C10orf90: variants seen among roughly 807,000 people sequenced by gnomAD.
C10orf90 encodes chromosome 10 open reading frame 90.
C10orf90 carries 56 observed loss-of-function variants against 62.5 expected under a neutral mutation model. The ratio of observed to expected loss-of-function variants is 0.90; its 90% confidence interval spans 0.72 to 1.12. C10orf90 has a LOEUF of 1.12. Ranked by LOEUF, C10orf90 falls within the 50% of genes most tolerant of loss-of-function variation. The pLI, the probability that C10orf90 is intolerant of heterozygous loss-of-function variation, is 0.00. For synonymous variants in C10orf90, 386 were observed against 340.4 expected, an observed-to-expected ratio of 1.13 and a Z score of -1.47; for missense variants, 970 against 880.4, an observed-to-expected ratio of 1.10 and a Z score of -1.29.
intron 1 of C10orf90, among the ~76,000 whole-genome samples, chr10:126,657,581 A>G (rs892729417): frequency 2.7e-5 from 4 of 147,064 alleles, no homozygotes; most frequent in Non-Finnish European, 6.0e-5. Flanking sequence ...TTTTGATATC[A>G]CCATCTTGAA....
chr10:126,637,624 G>C (rs1421339195), intron 2 of C10orf90, among the ~76,000 whole-genome samples: 1 of 152,202 alleles, frequency 6.6e-6, no homozygotes, highest in African/African-American at 2.4e-5. Flanking sequence ...GCAGGTAAGG[G>C]GCTACAGGTC....
At position 126,604,427 on chromosome 10, in the gene C10orf90, T is replaced by G. The variant is rs149491627; in HGVS notation, c.313+42138A>C. Among the ~76,000 whole-genome samples, 45 of 152,300 alleles carry G rather than the reference T, an allele frequency of 3.0e-4. No homozygotes were observed. The East Asian group carries it at 7.7e-3, about 26-fold the overall frequency. ...TGATCCTCAGTTGAAAGAAAAAAAA[T>G]ACACCATATATATGCACTTTTTTAA... On this transcript the variant is annotated intron_variant, in intron 2 of 9. Coordinates refer to ENST00000488181, the MANE Select transcript of C10orf90 (RefSeq NM_001350921.2).
intron 2 of C10orf90, among the ~76,000 whole-genome samples, chr10:126,578,125 T>G (rs1427825674): frequency 1.3e-5 from 2 of 152,110 alleles, no homozygotes; most frequent in African/African-American, 4.8e-5. Flanking sequence ...TCATAATGCA[T>G]AAAACATTAA....
At chr10:126,526,820 T>C (rs535491517) in intron 2 of C10orf90, among the ~76,000 whole-genome samples, 1 of 152,306 alleles carries the variant, frequency 6.6e-6, no homozygotes, top group African/African-American at 2.4e-5. Flanking sequence ...TCATATAATA[T>C]GTGGGCTTTT....
At chr10:126,549,957 C>CTTTT (rs1168153149) in intron 2 of C10orf90, among the ~76,000 whole-genome samples, 2 of 117,398 alleles carry the variant, frequency 1.7e-5, no homozygotes, top group South Asian at 3.0e-4. Context: ...GTAAAGCTTT[C>CTTTT]TTTTTTTTTT....
intron 2 of C10orf90, among the ~76,000 whole-genome samples, chr10:126,539,972 C>G (rs1449886153): frequency 2.0e-5 from 3 of 152,086 alleles, no homozygotes; most frequent in Non-Finnish European, 4.4e-5. Context: ...CCTGTAAATC[C>G]AAGGGTTTTA....
At chr10:126,597,108 T>A (rs2134035678) in intron 2 of C10orf90, among the ~76,000 whole-genome samples, 1 of 152,346 alleles carries the variant, frequency 6.6e-6, no homozygotes, top group African/African-American at 2.4e-5. Context: ...GTTGGGAATG[T>A]GAAGTAATAC....
intron 2 of C10orf90, among the ~76,000 whole-genome samples, chr10:126,578,649 C>T (rs931608208): frequency 3.3e-5 from 5 of 152,104 alleles, no homozygotes; most frequent in South Asian, 4.1e-4. Flanking sequence ...CCCAAAGACA[C>T]GTATAAGAAT....
At chr10:126,531,319 G>A (rs1456768487) in intron 2 of C10orf90, among the ~76,000 whole-genome samples, 1 of 152,184 alleles carries the variant, frequency 6.6e-6, no homozygotes, top group East Asian at 1.9e-4. Flanking sequence ...CACCTTTGTG[G>A]GAGAATGCAA....
rs11244989 is a variant in C10orf90, at chr10:126,457,579, G to C, written c.2188+1461C>G. Among the ~76,000 whole-genome samples, 1,418 of 152,320 alleles carry C rather than the reference G, an allele frequency of 9.3e-3. 39 individuals carry two copies. Among genetic ancestry groups the C allele is most frequent in the East Asian group, 0.064 (332 of 5,176 alleles). On this transcript the variant is annotated intron_variant, in intron 7 of 9. Transcript: ENST00000488181. Reference sequence around the variant, plus strand: ...CGTGCCATTTTGTGTGTGTATGTGAGTCTTGAGCTCTAAAGTGGCATCATT... The same window carrying C: ...CGTGCCATTTTGTGTGTGTATGTGACTCTTGAGCTCTAAAGTGGCATCATT...
At chr10:126,583,407 T>C (rs1844793793) in intron 2 of C10orf90, among the ~76,000 whole-genome samples, 1 of 152,244 alleles carries the variant, frequency 6.6e-6, no homozygotes. Context: ...GGATTTTATA[T>C]TGAACACAGA....
intron 2 of C10orf90, among the ~76,000 whole-genome samples, chr10:126,645,699 T>C (rs1308888497): frequency 6.6e-6 from 1 of 151,962 alleles, no homozygotes; most frequent in Admixed American, 6.6e-5. Flanking sequence ...GTTGACAGTG[T>C]CAGTTTTGGA....
At position 126,569,056 on chromosome 10, in the gene C10orf90, G is replaced by A. The variant is rs147644884; in HGVS notation, c.314-55117C>T. 2.0e-4 allele frequency among the ~76,000 whole-genome samples: 30 copies of A among 152,232 alleles called. No homozygotes were observed. In the East Asian group the frequency reaches 4.5e-3, roughly 23 times the overall value. ...GCCCGGGGGCAGGGTGCAGGGTGACGTCAGCTGGCAGGAGGGTATGCAAGT... is the reference window on the plus strand; with the variant it reads ...GCCCGGGGGCAGGGTGCAGGGTGACATCAGCTGGCAGGAGGGTATGCAAGT... On this transcript the variant is annotated intron_variant, in intron 2 of 9. Coordinates refer to ENST00000488181, the MANE Select transcript of C10orf90 (RefSeq NM_001350921.2).
intron 2 of C10orf90, among the ~76,000 whole-genome samples, chr10:126,622,463 A>G (rs1845664669): frequency 6.6e-6 from 1 of 152,148 alleles, no homozygotes; most frequent in South Asian, 2.1e-4. Flanking sequence ...CCAGGGTTTC[A>G]TTGCCAATGT....
chr10:126,491,257 T>G (rs1022929133), intron 4 of C10orf90, among the ~76,000 whole-genome samples: 13 of 152,216 alleles, frequency 8.5e-5, no homozygotes, highest in Non-Finnish European at 1.9e-4. Context: ...TTTGCTTCAA[T>G]TTATATAGAT....
Position 126,670,511 on chromosome 10 carries a change from G to A in C10orf90, c.-31C>T, listed in dbSNP as rs745455974. ...TCAGTATCTTGTGACTTTAGCTAGT[G>A]AGACTGGCAAACACAATTTTCTTTG... On this transcript the variant is annotated 5_prime_UTR_variant, in exon 1 of 10. Coordinates refer to ENST00000488181, the MANE Select transcript of C10orf90 (RefSeq NM_001350921.2). 35 of 454,188 alleles carry A rather than the reference G, an allele frequency of 7.7e-5. No homozygotes were observed. Among genetic ancestry groups the A allele is most frequent in the South Asian group, 5.1e-4 (33 of 64,412 alleles). 28.1% of individuals were successfully genotyped at this position (454,188 alleles called of 1,614,324 possible). A position where few individuals can be genotyped will look rare whatever the true frequency, so the allele number is the denominator to read the frequency against.
intron 2 of C10orf90, among the ~76,000 whole-genome samples, chr10:126,576,753 TAGATAA>T (rs1181712286): frequency 7.5e-5 from 5 of 67,082 alleles, no homozygotes; most frequent in African/African-American, 3.1e-4. Context: ...TATATACATA[TAGATAA>T]TATGTATATG....
At chr10:126,563,957 G>C (rs1296978205) in intron 2 of C10orf90, among the ~76,000 whole-genome samples, 2 of 152,192 alleles carry the variant, frequency 1.3e-5, no homozygotes, top group Non-Finnish European at 2.9e-5. Context: ...GGCCAGAGCA[G>C]TCTCTGCATG....
chr10:126,668,453 T>C (rs948547868), intron 1 of C10orf90, among the ~76,000 whole-genome samples: 1 of 152,184 alleles, frequency 6.6e-6, no homozygotes, highest in African/African-American at 2.4e-5. Context: ...CTTGGGAAAT[T>C]GAGCAAGGAA....
Sources: allele counts gnomAD v4.1 joint callset (sites outside exome capture counted in the v4.1 genomes callset), GRCh38; gene constraint gnomAD v4.1.1; transcripts MANE v1.5; gene names NCBI Gene and HGNC (gene_info 2026-07-23, HGNC 2026-07-21).